NRXN3: variants seen among roughly 807,000 people sequenced by gnomAD.
NRXN3 encodes neurexin III.
A neutral mutation model predicts 137.6 loss-of-function variants in NRXN3; 32 were observed. The ratio of observed to expected loss-of-function variants is 0.23; its 90% CI spans 0.18 to 0.31. The LOEUF is 0.31. Ranked by LOEUF, NRXN3 falls within the 10% of genes least tolerant of loss-of-function variation. NRXN3 has a pLI of 1.00. For missense variants in NRXN3, 1,574 were observed against 2,062.5 expected (o/e 0.76, Z 4.59); for synonymous variants, 798 against 784.5 (o/e 1.02, Z -0.29).
chr14:78,834,405 A>G (rs141716668), intron 10 of NRXN3, among the ~76,000 whole-genome samples: 22 of 152,230 alleles, frequency 1.4e-4, no homozygotes, highest in Middle Eastern at 6.8e-3. Context: ...TTACTTGACT[A>G]CTAGTATTAA....
At chr14:78,401,026 C>T (rs2091997618) in intron 4 of NRXN3, among the ~76,000 whole-genome samples, 1 of 152,194 alleles carries the variant, frequency 6.6e-6, no homozygotes, top group Non-Finnish European at 1.5e-5. Context: ...CTGTTCCCTG[C>T]TTCCAAGATG....
intron 19 of NRXN3, among the ~76,000 whole-genome samples, chr14:79,766,561 G>C (rs1321080355): frequency 1.3e-5 from 2 of 152,154 alleles, no homozygotes; most frequent in East Asian, 3.9e-4. Context: ...TTGCATTCTG[G>C]GGAATTGGAT....
At chr14:79,429,107 T>A (rs142632187) in intron 15 of NRXN3, among the ~76,000 whole-genome samples, 2 of 152,272 alleles carry the variant, frequency 1.3e-5, no homozygotes, top group East Asian at 3.9e-4. Context: ...CGCAACCTAG[T>A]TAGAGGTGAC....
In NRXN3 at chr14:78,177,378, GT is replaced by G. The variant is rs375893349; in HGVS notation, c.-704+6714del. Among the ~76,000 whole-genome samples, 98 of 149,000 alleles carry G rather than the reference GT, an allele frequency of 6.6e-4. 1 individual carries two copies. The highest frequency in any genetic ancestry group is 6.5e-3 in the South Asian group (30 of 4,650). On this transcript the variant is annotated intron_variant, in intron 1 of 20. Coordinates refer to ENST00000335750, the MANE Select transcript of NRXN3 (RefSeq NM_001330195.2). ...ACATTCTAGACAAGTATGAATGTGT[GT>G]TTTTTTTTTCAGGGGTGGGGTGGGG... is the stretch of plus-strand genomic sequence containing the variant.
intron 19 of NRXN3, among the ~76,000 whole-genome samples, chr14:79,753,807 A>AT (rs1484832037): frequency 3.0e-4 from 46 of 152,176 alleles, no homozygotes; most frequent in Non-Finnish European, 5.9e-4. Flanking sequence ...ACGATGTGAG[A>AT]TTTTATATAT....
intron 2 of NRXN3, among the ~76,000 whole-genome samples, chr14:78,265,086 T>G (rs974832282): frequency 3.9e-5 from 6 of 152,260 alleles, no homozygotes; most frequent in African/African-American, 1.4e-4. Context: ...ACTGCCGTAC[T>G]CTTTTTCTGA....
chr14:78,233,990 T>G (rs936833667), intron 1 of NRXN3, among the ~76,000 whole-genome samples: 1 of 152,178 alleles, frequency 6.6e-6, no homozygotes, highest in African/African-American at 2.4e-5. Context: ...TGGAAAGTAA[T>G]TGAATCATGG....
At chr14:78,951,822 C>T (rs2099387694) in intron 10 of NRXN3, among the ~76,000 whole-genome samples, 1 of 152,120 alleles carries the variant, frequency 6.6e-6, no homozygotes, top group Non-Finnish European at 1.5e-5. Flanking sequence ...CTTGCAAAAC[C>T]TTGGCAGAAG....
intron 15 of NRXN3, among the ~76,000 whole-genome samples, chr14:79,256,359 T>A (rs578016759): frequency 6.6e-6 from 1 of 152,342 alleles, no homozygotes; most frequent in South Asian, 2.1e-4. Flanking sequence ...ATAATTACTG[T>A]TGTCATTAGT....
chr14:78,822,629 C>T (rs1268530312), intron 10 of NRXN3, among the ~76,000 whole-genome samples: 10 of 151,000 alleles, frequency 6.6e-5, no homozygotes, highest in South Asian at 2.1e-4. Context: ...GAGCCGAGAT[C>T]GTGCCACTGG....
chr14:78,314,623 A>T (rs2078340997), intron 4 of NRXN3, among the ~76,000 whole-genome samples: 1 of 152,148 alleles, frequency 6.6e-6, no homozygotes, highest in Admixed American at 6.5e-5. Context: ...TGCAAAGGAG[A>T]TTGGGAAATG....
At chr14:78,352,659 C>T (rs949224791) in intron 4 of NRXN3, among the ~76,000 whole-genome samples, 1 of 152,154 alleles carries the variant, frequency 6.6e-6, no homozygotes, top group Non-Finnish European at 1.5e-5. Context: ...TCTGCCATCT[C>T]AGAAATCACT....
At chr14:79,596,934 A>T (rs1271191247) in intron 16 of NRXN3, among the ~76,000 whole-genome samples, 1 of 152,118 alleles carries the variant, frequency 6.6e-6, no homozygotes, top group East Asian at 1.9e-4. Flanking sequence ...TTAAATGTGT[A>T]TCTTTACTTA....
intron 8 of NRXN3, among the ~76,000 whole-genome samples, chr14:78,778,678 T>TC (rs1555489567): frequency 2.6e-5 from 3 of 114,472 alleles, no homozygotes; most frequent in Non-Finnish European, 5.3e-5. Context: ...TTCTCTTTTC[T>TC]TTTCTTTCTT....
chr14:79,376,063 ATC>A (rs67398177), intron 15 of NRXN3, among the ~76,000 whole-genome samples: 46,831 of 147,204 alleles, frequency 0.32, 8,243 homozygotes, highest in Middle Eastern at 0.53. Context: ...AGTAATATAT[ATC>A]TCTCACAAAT....
chr14:78,943,951 C>A (rs2099360263), intron 10 of NRXN3, among the ~76,000 whole-genome samples: 1 of 151,738 alleles, frequency 6.6e-6, no homozygotes, highest in Non-Finnish European at 1.5e-5. Context: ...ATGAGGGATG[C>A]TGACTGGGGT....
At chr14:78,958,500 T>C (rs1359295788) in intron 11 of NRXN3, among the ~76,000 whole-genome samples, 5 of 151,882 alleles carry the variant, frequency 3.3e-5, no homozygotes, top group South Asian at 2.1e-4. Flanking sequence ...GGACTACAGG[T>C]GCCTGCCACC....
At chr14:79,307,381 G>T (rs2086277198) in intron 15 of NRXN3, among the ~76,000 whole-genome samples, 1 of 151,954 alleles carries the variant, frequency 6.6e-6, no homozygotes, top group Admixed American at 6.6e-5. Flanking sequence ...CCTTGTTATT[G>T]GTCTTCAAAA....
At chr14:78,232,574 C>T (rs375170328) in intron 1 of NRXN3, among the ~76,000 whole-genome samples, 56 of 152,280 alleles carry the variant, frequency 3.7e-4, no homozygotes, top group African/African-American at 1.3e-3. Flanking sequence ...TTTCCTCTCC[C>T]CTTACCCGCT....
Sources: allele counts gnomAD v4.1 joint callset (sites outside exome capture counted in the v4.1 genomes callset), GRCh38; gene constraint gnomAD v4.1.1; transcripts MANE v1.5; gene names NCBI Gene and HGNC (gene_info 2026-07-23, HGNC 2026-07-21).